Variants in FTO observed in about 807,000 individuals in gnomAD.
The protein encoded by FTO is FTO alpha-ketoglutarate dependent dioxygenase, also known as alpha-ketoglutarate-dependent dioxygenase FTO.
FTO carries 47 observed loss-of-function variants against 63.9 expected under a neutral mutation model. The observed-to-expected ratio is 0.74, with a 90% CI of 0.58 to 0.94. The LOEUF (loss-of-function observed/expected upper bound fraction) is 0.94. Ranked by LOEUF, FTO falls within the 40% of genes least tolerant of loss-of-function variation. The probability of loss-of-function intolerance (pLI) is 0.00; values close to 1 mark genes in which losing one functional copy is unlikely to be tolerated. For synonymous variants in FTO, 207 were observed against 224.4 expected (o/e 0.92, Z 0.69); for missense variants, 562 against 618.1 (o/e 0.91, Z 0.96).
At chr16:54,024,403 T>C (rs1271094213) in intron 8 of FTO, among the ~76,000 whole-genome samples, 1 of 151,926 alleles carries the variant, frequency 6.6e-6, no homozygotes, top group Non-Finnish European at 1.5e-5. Context: ...TTTTTTTTTG[T>C]ATTTTTAGTA....
intron 1 of FTO, among the ~76,000 whole-genome samples, chr16:53,728,078 G>C (rs1455088249): frequency 6.6e-6 from 1 of 151,836 alleles, no homozygotes; most frequent in African/African-American, 2.4e-5. Flanking sequence ...GTCTCTACAT[G>C]AAATTAAAAA....
intron 1 of FTO, among the ~76,000 whole-genome samples, chr16:53,783,779 C>T (rs1051657657): frequency 5.3e-5 from 8 of 151,322 alleles, no homozygotes; most frequent in Non-Finnish European, 1.0e-4. Context: ...CAGAGTGAGA[C>T]TTTGTCTCGG....
At chr16:53,927,697 C>T (rs930249859) in intron 7 of FTO, among the ~76,000 whole-genome samples, 4 of 152,070 alleles carry the variant, frequency 2.6e-5, no homozygotes, top group African/African-American at 9.7e-5. Flanking sequence ...AGCTTAGTGT[C>T]GGGCACTGGC....
chr16:53,902,309 TC>T (rs1412802528), intron 7 of FTO, among the ~76,000 whole-genome samples: 6 of 152,144 alleles, frequency 3.9e-5, no homozygotes, highest in Non-Finnish European at 8.8e-5. Context: ...GAGGTGATCA[TC>T]TTCTCTTCCT....
intron 8 of FTO, among the ~76,000 whole-genome samples, chr16:54,082,849 A>G (rs1458094050): frequency 6.6e-6 from 1 of 152,232 alleles, no homozygotes; most frequent in Non-Finnish European, 1.5e-5. Context: ...CTGAGAAGAG[A>G]AAAGGGTTAC....
At chr16:53,909,744 G>A (rs2081637639) in intron 7 of FTO, among the ~76,000 whole-genome samples, 1 of 151,220 alleles carries the variant, frequency 6.6e-6, no homozygotes, top group Non-Finnish European at 1.5e-5. Context: ...TTGTATTTTT[G>A]GTAGAGACAG....
chr16:54,065,516 G>A (rs1387538141), intron 8 of FTO, among the ~76,000 whole-genome samples: 1 of 152,068 alleles, frequency 6.6e-6, no homozygotes, highest in Non-Finnish European at 1.5e-5. Flanking sequence ...GTATATTCCG[G>A]CTTTGTAGTC....
chr16:53,837,894 T>G (rs17818902), intron 3 of FTO, among the ~76,000 whole-genome samples: 40,434 of 152,048 alleles, frequency 0.27, 5,805 homozygotes, highest in African/African-American at 0.37. Flanking sequence ...TCAGTGTAAG[T>G]TCTAGATTCT....
rs375496512 is a variant in FTO, at chr16:53,792,761, G to T, written c.46-17379G>T. Among the ~76,000 whole-genome samples, 9 of 152,222 alleles carry T rather than the reference G, an allele frequency of 5.9e-5. No individual in the cohort carries two copies. In the East Asian group the frequency reaches 1.5e-3, roughly 26 times the overall value. ...GTGGAAAGTATGCTGCAATATGATTGAGAGAATTTGGCTTTTTCATCTGAA... is the reference window on the plus strand; with the variant it reads ...GTGGAAAGTATGCTGCAATATGATTTAGAGAATTTGGCTTTTTCATCTGAA... On this transcript the variant is annotated intron_variant, in intron 1 of 8. Coordinates refer to ENST00000471389, the MANE Select transcript of FTO (RefSeq NM_001080432.3).
chr16:53,729,800 C>T (rs2076233637), intron 1 of FTO, among the ~76,000 whole-genome samples: 1 of 152,128 alleles, frequency 6.6e-6, no homozygotes, highest in Non-Finnish European at 1.5e-5. Flanking sequence ...AATGATGTAT[C>T]TTTCAACAAT....
At chr16:53,712,761 A>G (rs1055058284) in intron 1 of FTO, among the ~76,000 whole-genome samples, 1 of 152,180 alleles carries the variant, frequency 6.6e-6, no homozygotes, top group African/African-American at 2.4e-5. Flanking sequence ...CAAAGGAGAC[A>G]TTAATAAGTA....
intron 8 of FTO, among the ~76,000 whole-genome samples, chr16:53,969,278 TTTGTCCTTTATCTGAAATAACTCTC>T: frequency 6.6e-6 from 1 of 152,254 alleles, no homozygotes; most frequent in African/African-American, 2.4e-5. Context: ...AAGGACAGCA[TTTGTCCTTTATCTGAAATAACTCTC>T]TTGCCTGAAT....
intron 7 of FTO, among the ~76,000 whole-genome samples, chr16:53,914,222 A>G: frequency 6.6e-6 from 1 of 151,162 alleles, no homozygotes; most frequent in East Asian, 1.9e-4. Flanking sequence ...ATCTCCTGTG[A>G]TGTCTTAGAA....
intron 8 of FTO, among the ~76,000 whole-genome samples, chr16:54,090,823 G>A (rs1451875212): frequency 6.6e-6 from 1 of 152,148 alleles, no homozygotes; most frequent in African/African-American, 2.4e-5. Flanking sequence ...CGTGACTATA[G>A]TCAGGGAGCA....
intron 1 of FTO, among the ~76,000 whole-genome samples, chr16:53,725,017 C>T (rs907391086): frequency 2.0e-5 from 3 of 152,200 alleles, no homozygotes; most frequent in African/African-American, 4.8e-5. Context: ...GGATATGTGA[C>T]TGATTAATCA....
At chr16:53,914,432 G>A (rs902496959) in intron 7 of FTO, among the ~76,000 whole-genome samples, 3 of 151,750 alleles carry the variant, frequency 2.0e-5, no homozygotes, top group African/African-American at 7.3e-5. Context: ...TGGAAAGTAA[G>A]TTACAAGATT....
intron 1 of FTO, among the ~76,000 whole-genome samples, chr16:53,794,721 G>C (rs1397292928): frequency 6.6e-6 from 1 of 152,102 alleles, no homozygotes; most frequent in East Asian, 1.9e-4. Context: ...GAGAAAATGT[G>C]GTGTTCCATG....
chr16:53,931,173 CAG>C (rs2082272033), intron 7 of FTO, among the ~76,000 whole-genome samples: 1 of 151,932 alleles, frequency 6.6e-6, no homozygotes, highest in African/African-American at 2.4e-5. Flanking sequence ...AATAGATTCA[CAG>C]GGGGGAAAAA....
In FTO at chr16:53,751,592, A is replaced by G. The variant is rs527999760; in HGVS notation, c.45+47363A>G. On this transcript the variant is annotated intron_variant, in intron 1 of 8. Coordinates refer to ENST00000471389, the MANE Select transcript of FTO (RefSeq NM_001080432.3). The stretch of plus-strand genomic sequence containing the variant: ...GTTCCATTTATATAAAATGTCTATA[A>G]CAGGCAAATCTATGAAGATGGGAAG... Among the ~76,000 whole-genome samples the G allele has an allele frequency of 1.1e-4, 17 of 152,342 alleles. 1 individual carries two copies. Among genetic ancestry groups the G allele is most frequent in the Non-Finnish European group, 2.1e-4 (14 of 68,032 alleles).
Sources: gnomAD v4.1 joint callset for allele counts (sites outside exome capture counted in the v4.1 genomes callset) on GRCh38, gnomAD v4.1.1 for gene constraint, MANE v1.5 for transcripts, NCBI Gene and HGNC (gene_info 2026-07-23, HGNC 2026-07-21) for gene names.